Variants in EPG5 observed in about 807,000 individuals in gnomAD.
EPG5 encodes the protein ectopic P granules protein 5 homolog.
A neutral mutation model predicts 302.7 loss-of-function variants in EPG5; 159 were observed. The observed-to-expected ratio is 0.53, with a 90% confidence interval of 0.46 to 0.60. The LOEUF is 0.60. Among genes scored for constraint, EPG5 ranks in the 20% least tolerant of loss-of-function variants. EPG5 has a pLI of 0.00. For synonymous variants in EPG5, 1,158 were observed against 1,136.8 expected, an observed-to-expected ratio of 1.02 and a Z score of -0.37; for missense variants, 2,896 against 3,092.4, an observed-to-expected ratio of 0.94 and a Z score of 1.51.
intron 37 of EPG5, 126 bp downstream of exon 37, chr18:45,867,437 T>G: frequency 1.3e-6 from 1 of 752,180 alleles, no homozygotes; most frequent in Non-Finnish European, 2.3e-6. Flanking sequence ...AAGGTACATC[T>G]CATATGCCAA....
At chr18:45,890,045 T>G in intron 27 of EPG5, 105 bp from the exon 28 acceptor site, 1 of 920,532 alleles carries the variant, frequency 1.1e-6, no homozygotes, top group Non-Finnish European at 1.6e-6. Flanking sequence ...ATACCAAAAT[T>G]TGTATCTCTT....
At chr18:45,908,185 A>T (rs542189819) in intron 23 of EPG5, 104 bp from the exon 24 acceptor site, 1 of 928,690 alleles carries the variant, frequency 1.1e-6, no homozygotes, top group Non-Finnish European at 1.5e-6. Flanking sequence ...AGAGTAAAGA[A>T]AGCCCATAAT....
At chr18:45,860,651 C>T (rs1309700704) in intron 39 of EPG5, among the ~76,000 whole-genome samples, 1 of 152,218 alleles carries the variant, frequency 6.6e-6, no homozygotes, top group Non-Finnish European at 1.5e-5. Context: ...CTTATCAGAA[C>T]ATGCCTAGTC....
chr18:45,907,833 C>CAA (rs2049791087), intron 24 of EPG5, 125 bp downstream of exon 24: 8 of 920,248 alleles, frequency 8.7e-6, no homozygotes, highest in Non-Finnish European at 1.3e-5. Context: ...ACCATAGAAA[C>CAA]AATGACCATC....
intron 35 of EPG5, among the ~76,000 whole-genome samples, chr18:45,871,332 G>A (rs994371834): frequency 8.5e-5 from 13 of 152,188 alleles, no homozygotes; most frequent in Non-Finnish European, 5.9e-5. Context: ...CTGTTGGGGG[G>A]AGTGTAAATT....
At chr18:45,935,430 T>C (rs542418216) in intron 10 of EPG5, among the ~76,000 whole-genome samples, 14 of 152,260 alleles carry the variant, frequency 9.2e-5, no homozygotes, top group South Asian at 8.3e-4. Flanking sequence ...TAATTCCAGC[T>C]ACTTGGGAGG....
At chr18:45,817,512 G>T in the EPG5 span, among the ~76,000 whole-genome samples, 1 of 152,200 alleles carries the variant, frequency 6.6e-6, no homozygotes, top group Non-Finnish European at 1.5e-5. Context: ...TGGGCCCAGG[G>T]TATCTCATGA....
chr18:45,889,374 G>T (rs1297802794), intron 28 of EPG5, among the ~76,000 whole-genome samples: 1 of 152,198 alleles, frequency 6.6e-6, no homozygotes, highest in East Asian at 1.9e-4. Flanking sequence ...TCAGTCATCT[G>T]AGTTGACAAG....
At chr18:45,887,635 G>T in intron 29 of EPG5, 116 bp downstream of exon 29, 1 of 845,326 alleles carries the variant, frequency 1.2e-6, no homozygotes. Flanking sequence ...CTTCTGACTT[G>T]GGTAAGACTC....
chr18:45,886,027 G>A (rs1456194924), intron 29 of EPG5, among the ~76,000 whole-genome samples: 3 of 152,320 alleles, frequency 2.0e-5, no homozygotes, highest in Non-Finnish European at 4.4e-5. Flanking sequence ...TTAAAAGAAT[G>A]AGAGTTCCTA....
rs754923921 is a variant in EPG5 at position 45,908,054 on chromosome 18, T to C, written c.4233A>G (p.Leu1411=). The C allele has an allele frequency of 1.8e-5, 28 of 1,555,132 alleles. No homozygotes were observed. The highest frequency in any genetic ancestry group is 8.3e-5 in the African/African-American group (6 of 72,560). The change falls in exon 24 of 44, where the codon CTA becomes CTG. Residue 1411 remains leucine (L), a synonymous_variant. Transcript: ENST00000282041. ...CTCCTTTTTGAAAATTCTCATCTTCTAGCCATAATATATATACATTGAAGA... is the reference window on the plus strand; with the variant it reads ...CTCCTTTTTGAAAATTCTCATCTTCCAGCCATAATATATATACATTGAAGA... ...VRLFNVYILW[L]EDENFQKGDT... is the part of the protein sequence containing the mutation.
the EPG5 span, among the ~76,000 whole-genome samples, chr18:45,840,394 GCACC>G: frequency 6.6e-6 from 1 of 152,062 alleles, no homozygotes; most frequent in Non-Finnish European, 1.5e-5. Flanking sequence ...GCCCACCAAG[GCACC>G]CCTCTTGCAG....
rs1035368896 is a variant in EPG5 at position 45,852,968 on chromosome 18, A to C, written c.7558-319T>G. Among the ~76,000 whole-genome samples the C allele has an allele frequency of 3.4e-4, 52 of 152,020 alleles. 1 individual carries two copies. Among genetic ancestry groups the C allele is most frequent in the Admixed American group, 7.2e-4 (11 of 15,268 alleles). ...GGCTGCTCTTGTTGCTGGGCGCCTC[A>C]CCTGCCACACCGATTTCTAAAGCCT... On this transcript the variant is annotated intron_variant, in intron 43 of 43. Coordinates refer to ENST00000282041, the MANE Select transcript of EPG5 (RefSeq NM_020964.3).
chr18:45,955,560 AC>A (rs1186054192), intron 1 of EPG5, among the ~76,000 whole-genome samples: 10 of 152,216 alleles, frequency 6.6e-5, no homozygotes, highest in Non-Finnish European at 1.5e-4. Flanking sequence ...TTGGAGATTC[AC>A]TAGTCTGATC....
intron 15 of EPG5, among the ~76,000 whole-genome samples, 193 bp downstream of exon 15, chr18:45,923,075 T>C (rs1301084497): frequency 6.6e-6 from 1 of 152,242 alleles, no homozygotes. Context: ...TCTGTAATAT[T>C]AGAATAGTTA....
Position 45,851,859 on chromosome 18 carries a change from A to G in EPG5, c.*608T>C, listed in dbSNP as rs1198363255. 6.6e-6 allele frequency: 1 copy of G among 152,244 alleles called. No homozygotes were observed. The highest frequency in any genetic ancestry group is 1.9e-4 in the East Asian group (1 of 5,202). The allele number at this position is 152,244 out of a possible 1,614,324, so 9.4% of individuals were successfully genotyped here. A position where few individuals can be genotyped will look rare whatever the true frequency, so the allele number is the denominator to read the frequency against. ...ACGGCTGGATGGAAATTGACTTGTC[A>G]TCATCTCTACTGCCCACTATAATCA... On this transcript the variant is annotated 3_prime_UTR_variant, in exon 44 of 44. Transcript: ENST00000282041.
intron 1 of EPG5, among the ~76,000 whole-genome samples, chr18:45,958,611 T>G (rs1485801512): frequency 6.6e-6 from 1 of 152,204 alleles, no homozygotes; most frequent in Non-Finnish European, 1.5e-5. Flanking sequence ...TATCCTCATA[T>G]GAAAGAATAA....
At chr18:45,924,870 C>A (rs1264262533) in intron 14 of EPG5, among the ~76,000 whole-genome samples, 1 of 152,146 alleles carries the variant, frequency 6.6e-6, no homozygotes, top group East Asian at 1.9e-4. Flanking sequence ...CATATTGAGA[C>A]TCCATCTCAA....
chr18:45,958,565 G>A (rs890902825), intron 1 of EPG5, among the ~76,000 whole-genome samples: 1 of 152,140 alleles, frequency 6.6e-6, no homozygotes, highest in Non-Finnish European at 1.5e-5. Context: ...ACAATTCAAT[G>A]GGGAAATTTG....
Sources: allele counts gnomAD v4.1 joint callset (sites outside exome capture counted in the v4.1 genomes callset), GRCh38; gene constraint gnomAD v4.1.1; transcripts MANE v1.5; gene names NCBI Gene and HGNC (gene_info 2026-07-23, HGNC 2026-07-21).